The following AACS variants were observed in gnomAD, a reference collection of about 807,000 sequenced individuals.
AACS encodes the protein acetoacetate-CoA ligase.
Under a neutral mutation model 83.1 loss-of-function variants are expected in AACS, and 69 were observed. That is an observed-to-expected ratio of 0.83 (90% CI 0.68 to 1.01). The LOEUF is 1.01. Ranked by LOEUF, AACS falls within the 50% of genes least tolerant of loss-of-function variation. The probability of loss-of-function intolerance (pLI) is 0.00; values close to 1 mark genes in which losing one functional copy is unlikely to be tolerated. For missense variants in AACS, 866 were observed against 882.2 expected, an observed-to-expected ratio of 0.98 and a Z score of 0.23; for synonymous variants, 333 against 343.4, an observed-to-expected ratio of 0.97 and a Z score of 0.33.
intron 1 of AACS, among the ~76,000 whole-genome samples, chr12:125,067,410 A>G (rs953590252): frequency 6.6e-6 from 1 of 152,206 alleles, no homozygotes; most frequent in African/African-American, 2.4e-5. Flanking sequence ...CAATAACAGA[A>G]TGCTGGTCTG....
intron 1 of AACS, among the ~76,000 whole-genome samples, chr12:125,068,429 A>T (rs1594561752): frequency 6.6e-6 from 1 of 152,340 alleles, no homozygotes; most frequent in East Asian, 1.9e-4. Context: ...ACTGCACTGC[A>T]GCCTGGGCGA....
intron 14 of AACS, among the ~76,000 whole-genome samples, chr12:125,133,115 C>A (rs953090409): frequency 3.3e-5 from 5 of 152,224 alleles, no homozygotes; most frequent in Non-Finnish European, 7.3e-5. Flanking sequence ...AGCAGAGATG[C>A]GCTTTTGATT....
chr12:125,079,389 G>A (rs1178989060), intron 3 of AACS, among the ~76,000 whole-genome samples: 1 of 152,126 alleles, frequency 6.6e-6, no homozygotes, highest in Non-Finnish European at 1.5e-5. Context: ...TGCGTCCCCA[G>A]GGTCACCCCT....
intron 7 of AACS, among the ~76,000 whole-genome samples, chr12:125,104,327 G>C (rs1412712068): frequency 1.3e-5 from 2 of 152,328 alleles, no homozygotes; most frequent in Admixed American, 6.5e-5. Flanking sequence ...GGAGGAGATG[G>C]CGGAGCCCTT....
Position 125,097,897 on chromosome 12 carries a change from T to C in AACS, c.571-4782T>C, listed in dbSNP as rs1956643605. 6.6e-6 allele frequency among the ~76,000 whole-genome samples: 1 copy of C among 152,224 alleles called. No homozygotes were observed. Among genetic ancestry groups the C allele is most frequent in the African/African-American group, 2.4e-5 (1 of 41,452 alleles). ...GCCGCCTCTCCACTGTCCTCCTTCA[T>C]ACGTTTGATTGAGCGGTTCCTCGGT... On this transcript the variant is annotated intron_variant, in intron 5 of 17. Coordinates refer to ENST00000316519, the MANE Select transcript of AACS (RefSeq NM_023928.5). This position sits in a 1 kb window ranked among gnomAD's most constrained non-coding sequence, Gnocchi z 4.3.
At chr12:125,132,243 G>T (rs1367431336) in intron 14 of AACS, among the ~76,000 whole-genome samples, 5 of 152,174 alleles carry the variant, frequency 3.3e-5, no homozygotes, top group Non-Finnish European at 5.9e-5. Flanking sequence ...AGTGTGTCGG[G>T]GAAGTTTTCA....
At chr12:125,080,603 C>T (rs1157630093) in intron 3 of AACS, among the ~76,000 whole-genome samples, 1 of 150,340 alleles carries the variant, frequency 6.7e-6, no homozygotes, top group Non-Finnish European at 1.5e-5. Context: ...TACCCCTTTA[C>T]CTTAGCCTGT....
intron 7 of AACS, among the ~76,000 whole-genome samples, chr12:125,106,826 G>A (rs1956843437): frequency 6.6e-6 from 1 of 152,196 alleles, no homozygotes; most frequent in Non-Finnish European, 1.5e-5. Flanking sequence ...TCTCCGTGGT[G>A]GTTATGAAAA....
Position 125,136,741 on chromosome 12 carries a change from C to T in AACS, c.1758C>T (p.Phe586=). ...ACAGGGAGGAGAGGGTGATCCTCTT[C>T]CTGAAGATGGCCTCCGGGCACGCCT... ...NKYREERVIL[F]LKMASGHAFQ... Residue 586 remains phenylalanine (F), a synonymous_variant, in exon 17 of 18, where the codon TTC becomes TTT. Coordinates refer to ENST00000316519, the MANE Select transcript of AACS (RefSeq NM_023928.5). 6.2e-7 allele frequency: 1 copy of T among 1,614,184 alleles called. No individual in the cohort carries two copies. The highest frequency in any genetic ancestry group is 8.5e-7 in the Non-Finnish European group (1 of 1,180,044).
Position 125,076,519 on chromosome 12 carries a change from A to T in AACS, c.266A>T (p.Asp89Val). Residue 89 changes from aspartate (D) to valine (V), a missense_variant, in exon 3 of 18, where the codon GAT becomes GTT. Physicochemically the swap from Asp to Val is radical, Grantham distance 152. Transcript: ENST00000316519. ...GTGGACACATCGAAAGGAATCGCAG[A>T]TGTCCCCGAGTGGTTCAAAGGCAGT... ...EVVDTSKGIADVPEWFKGSRL... is the reference protein window; with the variant it reads ...EVVDTSKGIAVVPEWFKGSRL... 6.2e-7 allele frequency: 1 copy of T among 1,614,180 alleles called. No homozygotes were observed.
Position 125,129,536 on chromosome 12 carries a change from C to T in AACS, c.1549+76C>T, listed in dbSNP as rs1389217665. 3.6e-5 allele frequency: 55 copies of T among 1,526,254 alleles called. No individual in the cohort carries two copies. Among genetic ancestry groups the T allele is most frequent in the Middle Eastern group, 1.8e-4 (1 of 5,668 alleles). The allele number at this position is 1,526,254 out of a possible 1,614,324, so 94.5% of individuals were successfully genotyped here. On this transcript the variant is annotated intron_variant, in intron 14 of 17. Transcript: ENST00000316519. This position sits in a 1 kb window ranked among gnomAD's most constrained non-coding sequence, Gnocchi z 4.3. ...CCTTCTGTGTCTAATTCTGTACCATCGTGCCCCTCCCCTCTTCCTTCCCCC... is the reference window on the plus strand; with the variant it reads ...CCTTCTGTGTCTAATTCTGTACCATTGTGCCCCTCCCCTCTTCCTTCCCCC...
chr12:125,137,190 AT>A (rs1282353562), intron 17 of AACS, among the ~76,000 whole-genome samples: 3 of 151,928 alleles, frequency 2.0e-5, no homozygotes, highest in Non-Finnish European at 1.5e-5. Flanking sequence ...TTTTTATTTT[AT>A]TTTTTTGAGA....
chr12:125,110,782 C>T (rs1186877679), intron 8 of AACS, among the ~76,000 whole-genome samples: 1 of 152,192 alleles, frequency 6.6e-6, no homozygotes, highest in Non-Finnish European at 1.5e-5. Context: ...GCTCACTTAG[C>T]TTTTATAGAC....
At position 125,080,406 on chromosome 12, in the gene AACS, C is replaced by T. The variant is rs191394790; in HGVS notation, c.358+3795C>T. 5.7e-4 allele frequency among the ~76,000 whole-genome samples: 87 copies of T among 152,198 alleles called. No individual in the cohort carries two copies. In the South Asian group the frequency reaches 7.5e-3, roughly 13 times the overall value. On this transcript the variant is annotated intron_variant, in intron 3 of 17. Coordinates refer to ENST00000316519, the MANE Select transcript of AACS (RefSeq NM_023928.5). ...AAATATACTTGATTCCTAGTGATGA[C>T]ATAAGCCAGTCTTCCCAGAACTTGT... is the stretch of plus-strand genomic sequence containing the variant.
intron 3 of AACS, among the ~76,000 whole-genome samples, chr12:125,081,951 C>T (rs1317487091): frequency 6.6e-6 from 1 of 151,798 alleles, no homozygotes; most frequent in Non-Finnish European, 1.5e-5. Flanking sequence ...TCTTGGCTCA[C>T]TGCAGCCTCC....
At chr12:125,135,189 C>T (rs536745486) in intron 16 of AACS, among the ~76,000 whole-genome samples, 35 of 151,428 alleles carry the variant, frequency 2.3e-4, no homozygotes, top group African/African-American at 8.2e-4. Flanking sequence ...GGCTGGAGCG[C>T]GATCTTGGCT....
chr12:125,084,064 G>A (rs750182622), intron 3 of AACS, among the ~76,000 whole-genome samples: 7 of 151,998 alleles, frequency 4.6e-5, no homozygotes, highest in African/African-American at 9.7e-5. Context: ...GCGGTGGTTC[G>A]CGCCTGTAAT....
Position 125,107,392 on chromosome 12 carries a change from G to A in AACS, c.915+124G>A, listed in dbSNP as rs536905147. The A allele has an allele frequency of 7.8e-5, 102 of 1,302,944 alleles. No individual in the cohort carries two copies. The African/African-American group carries it at 9.9e-4, about 13-fold the overall frequency. The allele number at this position is 1,302,944 out of a possible 1,614,324, so 80.7% of individuals were successfully genotyped here. On this transcript the variant is annotated intron_variant, in intron 8 of 17. Coordinates refer to ENST00000316519, the MANE Select transcript of AACS (RefSeq NM_023928.5). ...ACCCCATCCCCGGAGAGTCCAACGT[G>A]CAGCTTCTCTCCAAGTGGGGTGCTG...
rs1167522310 is a variant in AACS at position 125,128,247 on chromosome 12, A to G, written c.1396A>G (p.Met466Val). The G allele has an allele frequency of 1.2e-6, 2 of 1,612,884 alleles. No homozygotes were observed. Among genetic ancestry groups the G allele is most frequent in the Admixed American group, 1.7e-5 (1 of 59,954 alleles). The change falls in exon 13 of 18, where the codon ATG becomes GTG. Residue 466 changes from methionine (M) to valine (V), a missense_variant. Met to Val is a conservative substitution (Grantham distance 21, BLOSUM62 1). Transcript: ENST00000316519. ...GGAGATTCAGGCCCGGAACCTGGGC[A>G]TGGCCGTGGAAGCGTGGAACGAGGA... ...KGEIQARNLG[M>V]AVEAWNEEGK...
Sources: gnomAD v4.1 joint callset for allele counts (sites outside exome capture counted in the v4.1 genomes callset) on GRCh38, gnomAD v4.1.1 for gene constraint, Gnocchi (gnomAD v3.1) non-coding constraint, MANE v1.5 for transcripts, NCBI Gene and HGNC (gene_info 2026-07-23, HGNC 2026-07-21) for gene names.